ODF2L: variants seen among roughly 807,000 people sequenced by gnomAD.
ODF2L encodes outer dense fiber of sperm tails 2 like, also known as protein BCAP.
In ODF2L, 76 loss-of-function variants were observed where a neutral mutation model predicts 86.3. The observed-to-expected ratio is 0.88, with a 90% CI of 0.73 to 1.07. The LOEUF (loss-of-function observed/expected upper bound fraction) is 1.07, where lower values mean the gene tolerates loss of function less well. Ranked by LOEUF, ODF2L falls within the 50% of genes least tolerant of loss-of-function variation. The pLI, the probability that ODF2L is intolerant of heterozygous loss-of-function variation, is 0.00. For synonymous variants in ODF2L, 241 were observed against 231.3 expected (o/e 1.04, Z -0.38); for missense variants, 748 against 717.4 (o/e 1.04, Z -0.49).
intron 13 of ODF2L, chr1:86,358,243 CCAAA>C (rs1026684599): frequency 5.7e-4 from 114 of 200,066 alleles, no homozygotes; most frequent in African/African-American, 2.4e-3. Flanking sequence ...ACACAAAAAA[CCAAA>C]CAGAGATGCG....
At chr1:86,347,616 G>A (rs1270691333), downstream of ODF2L, 1 of 152,102 alleles carries the variant, frequency 6.6e-6, no homozygotes, top group Non-Finnish European at 1.5e-5. Flanking sequence ...AAAAGTGAGG[G>A]GATCAGAGGG....
chr1:86,383,305 G>T, intron 4 of ODF2L, 109 bp from the exon 5 acceptor site: 1 of 524,384 alleles, frequency 1.9e-6, no homozygotes, highest in East Asian at 3.4e-5. Context: ...TTTTAATTCA[G>T]ATTTTTAAAA....
At chr1:86,360,449 G>C (rs1316495422) in exon 12 of ODF2L, 12 of 1,552,550 alleles carry the variant, frequency 7.7e-6, no homozygotes, top group Non-Finnish European at 1.1e-5. Context: ...ATTTCAATAA[G>C]GGTTTTCTGT....
chr1:86,349,283 A>G (rs1657970798), downstream of ODF2L: 1 of 152,540 alleles, frequency 6.6e-6, no homozygotes, highest in East Asian at 1.9e-4. Context: ...TAGTTTTGAT[A>G]ATGTGAACAT....
Position 86,382,227 on chromosome 1 carries a change from A to ATAT in ODF2L, c.624+12_624+14dup. On this transcript the variant is annotated intron_variant, in intron 7 of 17. Coordinates refer to ENST00000317336, the Ensembl canonical transcript of ODF2L. Reference sequence around the variant, plus strand: ...TCACTTAAGCTATAAAAATGGATATATATTTATATATAACCTTTACATATT... The same window carrying ATAT: ...TCACTTAAGCTATAAAAATGGATATATATTATTTATATATAACCTTTACATATT... 1 of 1,569,914 alleles carries ATAT rather than the reference A, an allele frequency of 6.4e-7. No homozygotes were observed. The highest frequency in any genetic ancestry group is 8.6e-7 in the Non-Finnish European group (1 of 1,162,896).
chr1:86,368,698 C>T (rs1383896208), exon 11 of ODF2L: 2 of 1,444,756 alleles, frequency 1.4e-6, no homozygotes, highest in East Asian at 2.7e-5. Flanking sequence ...TTCTTTGACT[C>T]AGTAATTCTA....
chr1:86,382,262 T>A lies in ODF2L; in HGVS notation c.604A>T (p.Lys202Ter). The A allele has an allele frequency of 6.2e-7, 1 of 1,610,998 alleles. No homozygotes were observed. The highest frequency in any genetic ancestry group is 1.1e-5 in the South Asian group (1 of 90,572). The change falls in exon 7 of 18, where the codon AAG (lysine) becomes TAG (stop). Residue 202 changes from lysine to a stop codon, truncating the protein, a stop_gained. Transcript: ENST00000317336. LOFTEE classifies it high-confidence loss of function. ...ATAACCTTTACATATTCTTTCAACTTATCGTTCTCGGCTTCCCTTTTATGA... is the reference window on the plus strand; with the variant it reads ...ATAACCTTTACATATTCTTTCAACTAATCGTTCTCGGCTTCCCTTTTATGA...
chr1:86,370,791 T>C (rs1659738720), intron 10 of ODF2L, among the ~76,000 whole-genome samples: 1 of 152,194 alleles, frequency 6.6e-6, no homozygotes, highest in South Asian at 2.1e-4. Context: ...GGATGATTCA[T>C]TTAACTGCAA....
chr1:86,360,476 G>T, exon 12 of ODF2L: 1 of 1,601,222 alleles, frequency 6.2e-7, no homozygotes, highest in South Asian at 1.1e-5. Flanking sequence ...TCTACTTCTT[G>T]CAATTCTGAG....
At chr1:86,362,934 A>G (rs1170656251) in intron 11 of ODF2L, among the ~76,000 whole-genome samples, 1 of 152,226 alleles carries the variant, frequency 6.6e-6, no homozygotes, top group Non-Finnish European at 1.5e-5. Context: ...CTGGGATTAC[A>G]GCGTGAGACA....
intron 1 of ODF2L, among the ~76,000 whole-genome samples, chr1:86,388,251 C>T (rs1241555368): frequency 2.0e-5 from 3 of 151,992 alleles, no homozygotes; most frequent in Admixed American, 6.6e-5. Flanking sequence ...AGAAGAATTA[C>T]AAGTATACAA....
chr1:86,385,034 T>A (rs1181513384), intron 3 of ODF2L, among the ~76,000 whole-genome samples: 2 of 151,948 alleles, frequency 1.3e-5, no homozygotes, highest in Non-Finnish European at 2.9e-5. Flanking sequence ...TAGGCTTTTA[T>A]TCAAATAAAA....
chr1:86,386,613 C>T (rs1224862048), intron 2 of ODF2L: 4 of 276,986 alleles, frequency 1.4e-5, no homozygotes, highest in Non-Finnish European at 2.6e-5. Context: ...ATCTTGAACT[C>T]CTGACCTCAA....
intron 8 of ODF2L, among the ~76,000 whole-genome samples, chr1:86,374,380 T>C (rs1660027516): frequency 6.6e-6 from 1 of 152,216 alleles, no homozygotes; most frequent in Admixed American, 6.5e-5. Context: ...TTCATCAGTA[T>C]GGCATTCCTA....
intron 11 of ODF2L, among the ~76,000 whole-genome samples, chr1:86,365,229 T>C (rs2100929664): frequency 6.6e-6 from 1 of 152,242 alleles, no homozygotes; most frequent in African/African-American, 2.4e-5. Context: ...ACATGAGAAT[T>C]AGAAGTAAAA....
rs772505312 is a variant in ODF2L, at chr1:86,360,448, AG to A, written c.1231del (p.Ile412LeufsTer17). On this transcript the variant is annotated frameshift_variant, in exon 12 of 18. Coordinates refer to ENST00000317336, the Ensembl canonical transcript of ODF2L. LOFTEE classifies it high-confidence loss of function. ...CACCTGAGTTTTATACATTTCAATA[AG>A]GGTTTTCTGTTTTTTTTCTACTTCT... The A allele has an allele frequency of 3.2e-6, 5 of 1,548,442 alleles. No individual in the cohort carries two copies. The highest frequency in any genetic ancestry group is 2.3e-5 in the East Asian group (1 of 44,330).
At chr1:86,387,134 T>C in intron 1 of ODF2L, 48 bp from the exon 2 acceptor site, 1 of 539,388 alleles carries the variant, frequency 1.9e-6, no homozygotes, top group Non-Finnish European at 3.2e-6. Flanking sequence ...AGTTTTTTTG[T>C]CATTACTCTC....
At chr1:86,383,399 T>C (rs1660719837) in intron 4 of ODF2L, among the ~76,000 whole-genome samples, 1 of 151,826 alleles carries the variant, frequency 6.6e-6, no homozygotes, top group South Asian at 2.1e-4. Flanking sequence ...ATTTACTAAA[T>C]TAATCTCAAA....
At chr1:86,378,636 G>T (rs1026521845) in intron 7 of ODF2L, among the ~76,000 whole-genome samples, 2 of 152,092 alleles carry the variant, frequency 1.3e-5, no homozygotes, top group African/African-American at 4.8e-5. Context: ...AGGGAAGCAG[G>T]GACCTTCTTC....
Sources: allele counts gnomAD v4.1 joint callset (sites outside exome capture counted in the v4.1 genomes callset), GRCh38; gene constraint gnomAD v4.1.1; transcripts MANE v1.5; gene names NCBI Gene and HGNC (gene_info 2026-07-23, HGNC 2026-07-21).